Variants in SOX6 observed in about 807,000 individuals in gnomAD.
The protein encoded by SOX6 is transcription factor SOX-6.
Under a neutral mutation model 97.8 loss-of-function variants are expected in SOX6, and 11 were observed. That is an observed-to-expected ratio of 0.11 (90% CI 0.07 to 0.19). The LOEUF (loss-of-function observed/expected upper bound fraction) is 0.19, where lower values mean the gene tolerates loss of function less well. Among genes scored for constraint, SOX6 ranks in the 10% least tolerant of loss-of-function variants. The probability of loss-of-function intolerance (pLI) is 1.00; values close to 1 mark genes in which losing one functional copy is unlikely to be tolerated. For synonymous variants in SOX6, 360 were observed against 371.4 expected (o/e 0.97, Z 0.35); for missense variants, 810 against 1,039.5 (o/e 0.78, Z 3.04).
At chr11:16,095,796 G>A (rs1848779339) in intron 9 of SOX6, among the ~76,000 whole-genome samples, 200 bp downstream of exon 9, 1 of 151,548 alleles carries the variant, frequency 6.6e-6, no homozygotes, top group Admixed American at 6.6e-5. Flanking sequence ...TTAATTCAGG[G>A]GCATTGCTTT....
chr11:16,084,437 G>A (rs35789102), intron 9 of SOX6, among the ~76,000 whole-genome samples: 290 of 152,004 alleles, frequency 1.9e-3, no homozygotes, highest in African/African-American at 6.8e-3. Context: ...GATACAAGCA[G>A]AAGAGTATGG....
chr11:16,676,589 G>T (rs1847886345), intron 3 of SOX6, among the ~76,000 whole-genome samples: 1 of 152,030 alleles, frequency 6.6e-6, no homozygotes, highest in Non-Finnish European at 1.5e-5. Context: ...TGTTTAGTTA[G>T]TGACTTTTCT....
At chr11:16,639,820 A>G (rs368550278) in intron 3 of SOX6, among the ~76,000 whole-genome samples, 2 of 152,110 alleles carry the variant, frequency 1.3e-5, no homozygotes, top group Non-Finnish European at 2.9e-5. Context: ...CTGAGACGAT[A>G]GGGTTTTCTA....
At chr11:16,137,027 TA>T (rs554417696) in intron 6 of SOX6, among the ~76,000 whole-genome samples, 2 of 152,362 alleles carry the variant, frequency 1.3e-5, no homozygotes, top group South Asian at 4.1e-4. Context: ...CACAAATACT[TA>T]AAATAAATAA....
At chr11:16,122,819 T>C (rs1849525439) in intron 6 of SOX6, among the ~76,000 whole-genome samples, 1 of 152,114 alleles carries the variant, frequency 6.6e-6, no homozygotes, top group Admixed American at 6.6e-5. Flanking sequence ...TTGTATTCTA[T>C]GTTATTTAAA....
At chr11:16,155,632 T>C (rs1850578094) in intron 6 of SOX6, among the ~76,000 whole-genome samples, 1 of 152,126 alleles carries the variant, frequency 6.6e-6, no homozygotes, top group Non-Finnish European at 1.5e-5. Context: ...ATCTAGTACA[T>C]AGTGAATCAT....
chr11:16,296,566 A>G (rs961472085), intron 3 of SOX6, among the ~76,000 whole-genome samples: 5 of 152,150 alleles, frequency 3.3e-5, no homozygotes, highest in Admixed American at 2.6e-4. Context: ...TGTGTAGCTC[A>G]CTGTTTAAAT....
intron 3 of SOX6, among the ~76,000 whole-genome samples, chr11:16,248,408 G>T (rs576696595): frequency 6.6e-6 from 1 of 152,162 alleles, no homozygotes; most frequent in African/African-American, 2.4e-5. Context: ...CCTATCAGAG[G>T]TTCTCCATGA....
chr11:16,306,210 G>A (rs981667164), intron 3 of SOX6, among the ~76,000 whole-genome samples: 7 of 152,210 alleles, frequency 4.6e-5, no homozygotes, highest in South Asian at 2.1e-4. Context: ...AAATATTACC[G>A]CTGGGGGAAA....
At chr11:16,146,287 C>G (rs1850293163) in intron 6 of SOX6, among the ~76,000 whole-genome samples, 1 of 152,186 alleles carries the variant, frequency 6.6e-6, no homozygotes, top group African/African-American at 2.4e-5. Context: ...GCTGGGAAAA[C>G]TGGCTAGCCA....
intron 6 of SOX6, among the ~76,000 whole-genome samples, chr11:16,165,566 G>T (rs975405662): frequency 6.6e-6 from 1 of 152,104 alleles, no homozygotes; most frequent in Non-Finnish European, 1.5e-5. Context: ...TAGCATTACT[G>T]ATTTTCAAAA....
chr11:16,060,712 T>G (rs1847926895), intron 9 of SOX6, among the ~76,000 whole-genome samples: 1 of 151,892 alleles, frequency 6.6e-6, no homozygotes, highest in Non-Finnish European at 1.5e-5. Flanking sequence ...TTGTTCCATG[T>G]GTAAGACTCT....
In SOX6 at chr11:16,686,985, C is replaced by T. The variant is rs138885866; in HGVS notation, n.429+27845G>A. 6.0e-3 allele frequency among the ~76,000 whole-genome samples: 915 copies of T among 151,712 alleles called. 3 individuals are homozygous for T. The highest frequency in any genetic ancestry group is 9.7e-3 in the Non-Finnish European group (662 of 67,938). On this transcript the variant is annotated intron_variant and non_coding_transcript_variant, in intron 3 of 5. Coordinates refer to the SOX6 transcript ENST00000524520. ...CTCACAAAAAAAAAAATTAGCCAGG[C>T]GTGGTGGCACATGCCTGTAATCCCA... is the stretch of plus-strand genomic sequence containing the variant.
At chr11:16,101,861 G>A (rs1848954248) in intron 7 of SOX6, among the ~76,000 whole-genome samples, 1 of 151,664 alleles carries the variant, frequency 6.6e-6, no homozygotes, top group Non-Finnish European at 1.5e-5. Context: ...AGCAAAATTA[G>A]CATAGAAGGG....
chr11:16,592,218 G>C (rs1262630216), intron 4 of SOX6, among the ~76,000 whole-genome samples: 2 of 150,826 alleles, frequency 1.3e-5, no homozygotes, highest in Admixed American at 6.6e-5. Flanking sequence ...AAGTTCTCCC[G>C]AACAAACCTT....
At chr11:16,713,905 G>A (rs1335445421) in intron 3 of SOX6, among the ~76,000 whole-genome samples, 1 of 152,116 alleles carries the variant, frequency 6.6e-6, no homozygotes, top group East Asian at 1.9e-4. Context: ...TGCCAAAAAT[G>A]TTTTACTTCC....
intron 3 of SOX6, among the ~76,000 whole-genome samples, chr11:16,303,975 G>A (rs950973708): frequency 2.0e-5 from 3 of 152,062 alleles, no homozygotes; most frequent in Non-Finnish European, 4.4e-5. Context: ...GGAGTAAAGT[G>A]GTGCGATCTC....
intron 7 of SOX6, among the ~76,000 whole-genome samples, chr11:16,098,065 T>G (rs1032829389): frequency 1.3e-5 from 2 of 151,818 alleles, no homozygotes; most frequent in African/African-American, 2.4e-5. Flanking sequence ...ACAAAAAGTT[T>G]TGGCTTTGTA....
intron 3 of SOX6, among the ~76,000 whole-genome samples, chr11:16,255,850 A>AAAAG (rs1487886458): frequency 6.6e-6 from 1 of 151,852 alleles, no homozygotes; most frequent in Non-Finnish European, 1.5e-5. Flanking sequence ...GGAAAAAAAA[A>AAAAG]AAAGAGACGA....
Sources: gnomAD v4.1 joint callset for allele counts (sites outside exome capture counted in the v4.1 genomes callset) on GRCh38, gnomAD v4.1.1 for gene constraint, MANE v1.5 for transcripts, NCBI Gene and HGNC (gene_info 2026-07-23, HGNC 2026-07-21) for gene names.